TMEM132B: variants seen among roughly 807,000 people sequenced by gnomAD.
The protein encoded by TMEM132B is transmembrane protein 132B.
Under a neutral mutation model 90.8 loss-of-function variants are expected in TMEM132B, and 18 were observed. That is an observed-to-expected ratio of 0.20 (90% confidence interval 0.14 to 0.29). The LOEUF is 0.29. TMEM132B is among the 10% of genes least tolerant of loss of function. The pLI is 1.00. For synonymous variants in TMEM132B, 504 were observed against 523.3 expected (o/e 0.96, Z 0.50); for missense variants, 1,096 against 1,326.8 (o/e 0.83, Z 2.70).
intron 5 of TMEM132B, among the ~76,000 whole-genome samples, chr12:125,629,132 G>C (rs1886299448): frequency 6.6e-6 from 1 of 152,024 alleles, no homozygotes; most frequent in South Asian, 2.1e-4. Context: ...GGCTATTCTG[G>C]GTCTTTTGTG....
intron 5 of TMEM132B, among the ~76,000 whole-genome samples, chr12:125,619,165 G>A (rs1219946245): frequency 6.6e-6 from 1 of 152,022 alleles, no homozygotes; most frequent in Non-Finnish European, 1.5e-5. Flanking sequence ...GTACTTGCTG[G>A]ATAAAGGGAG....
chr12:125,602,493 C>T (rs919037295), intron 5 of TMEM132B, among the ~76,000 whole-genome samples: 5 of 152,076 alleles, frequency 3.3e-5, no homozygotes, highest in African/African-American at 1.2e-4. Flanking sequence ...TATGACAAAC[C>T]CACAGCCAGT....
At chr12:125,523,220 A>G (rs1883355466) in intron 4 of TMEM132B, among the ~76,000 whole-genome samples, 1 of 152,160 alleles carries the variant, frequency 6.6e-6, no homozygotes, top group African/African-American at 2.4e-5. Context: ...ATTCTCTTAG[A>G]GTTCTGGAGG....
chr12:125,383,079 T>A (rs1878731095), intron 2 of TMEM132B, among the ~76,000 whole-genome samples: 1 of 152,310 alleles, frequency 6.6e-6, no homozygotes, highest in Non-Finnish European at 1.5e-5. Context: ...TTTCTCAGAC[T>A]GTGGTACCAG....
Position 125,450,320 on chromosome 12 carries a change from A to C in TMEM132B, c.1106+34643A>C, listed in dbSNP as rs143285379. On this transcript the variant is annotated intron_variant, in intron 3 of 8. Coordinates refer to ENST00000682704, the MANE Select transcript of TMEM132B (RefSeq NM_001366854.1). ...TTATGCCAAAAAATTAGGAAGATAA[A>C]AAAAATGATGATGGCATGTCTTAAT... Among the ~76,000 whole-genome samples, 76 of 152,342 alleles carry C rather than the reference A, an allele frequency of 5.0e-4. 1 individual carries two copies. The East Asian group carries it at 0.014, about 29-fold the overall frequency.
intron 1 of TMEM132B, among the ~76,000 whole-genome samples, chr12:125,341,730 G>A (rs1434901451): frequency 6.6e-6 from 1 of 152,188 alleles, no homozygotes; most frequent in Non-Finnish European, 1.5e-5. Context: ...GGCCTCACTT[G>A]AGACCATCTG....
chr12:125,516,850 T>C (rs761694899), intron 3 of TMEM132B, among the ~76,000 whole-genome samples: 10 of 152,142 alleles, frequency 6.6e-5, no homozygotes, highest in African/African-American at 1.4e-4. Context: ...CAAAGAGAAA[T>C]TGAAAATTTG....
intron 3 of TMEM132B, among the ~76,000 whole-genome samples, chr12:125,507,397 AAT>A (rs1370410912): frequency 6.6e-6 from 1 of 152,172 alleles, no homozygotes; most frequent in African/African-American, 2.4e-5. Flanking sequence ...TAATAAATAA[AAT>A]AGAGTATGTT....
At chr12:125,585,066 G>A (rs1386399038) in intron 5 of TMEM132B, 2 of 152,216 alleles carry the variant, frequency 1.3e-5, no homozygotes, top group Non-Finnish European at 2.9e-5. Context: ...AGGTCTGGGA[G>A]GGGTTGATTT....
rs375052110 is a variant in TMEM132B, at chr12:125,199,104, GCA to G, written c.67+12243_67+12244del. ...AGGTGTGTGTGCTGTTTCAGAGGCAGCACACAGTGGTAGTGATGGAGTTTGGC... is the reference window on the plus strand; with the variant it reads ...AGGTGTGTGTGCTGTTTCAGAGGCAGCACAGTGGTAGTGATGGAGTTTGGC... On this transcript the variant is annotated intron_variant, in intron 1 of 8. Coordinates refer to ENST00000682704, the MANE Select transcript of TMEM132B (RefSeq NM_001366854.1). 4.4e-3 allele frequency among the ~76,000 whole-genome samples: 674 copies of G among 152,356 alleles called. 4 individuals are homozygous for G. Among genetic ancestry groups the G allele is most frequent in the African/African-American group, 0.015 (642 of 41,580 alleles).
chr12:125,474,935 C>G (rs188611118), intron 3 of TMEM132B, among the ~76,000 whole-genome samples: 43 of 152,334 alleles, frequency 2.8e-4, no homozygotes, highest in African/African-American at 9.9e-4. Context: ...TTCATGGACT[C>G]TAAAGAAAGC....
At chr12:125,392,224 G>A (rs1351521485) in intron 2 of TMEM132B, among the ~76,000 whole-genome samples, 1 of 152,232 alleles carries the variant, frequency 6.6e-6, no homozygotes, top group Non-Finnish European at 1.5e-5. Context: ...TGGGAGACGA[G>A]GGGCAAAGTG....
chr12:125,583,273 G>A (rs1885095987), intron 4 of TMEM132B, among the ~76,000 whole-genome samples: 1 of 152,136 alleles, frequency 6.6e-6, no homozygotes, highest in African/African-American at 2.4e-5. Flanking sequence ...GCACATGTCA[G>A]CATTTAAAAA....
chr12:125,237,286 C>T (rs1183933552), intron 1 of TMEM132B, among the ~76,000 whole-genome samples: 1 of 152,108 alleles, frequency 6.6e-6, no homozygotes, highest in Non-Finnish European at 1.5e-5. Context: ...TTGCTGCTGC[C>T]ACTGGCTCAC....
chr12:125,393,638 C>T (rs923201110), intron 2 of TMEM132B, among the ~76,000 whole-genome samples: 2 of 152,152 alleles, frequency 1.3e-5, no homozygotes, highest in African/African-American at 2.4e-5. Flanking sequence ...CAGGCAGGAA[C>T]AGCTGGCACA....
At chr12:125,302,003 C>G (rs1875839151) in intron 1 of TMEM132B, 2 of 152,198 alleles carry the variant, frequency 1.3e-5, no homozygotes, top group Admixed American at 6.6e-5. Flanking sequence ...GAGTTCGAGA[C>G]CAGCCTGACC....
intron 4 of TMEM132B, among the ~76,000 whole-genome samples, chr12:125,544,959 A>G (rs1342378045): frequency 1.3e-5 from 2 of 152,222 alleles, no homozygotes; most frequent in African/African-American, 4.8e-5. Context: ...AACAGAACCT[A>G]TTGTTTAATT....
In TMEM132B at chr12:125,515,655, C is replaced by T. The variant is rs562036258; in HGVS notation, c.1107-3784C>T. Among the ~76,000 whole-genome samples, 28 of 150,636 alleles carry T rather than the reference C, an allele frequency of 1.9e-4. No individual in the cohort carries two copies. In the East Asian group the frequency reaches 5.0e-3, roughly 27 times the overall value. Reference sequence around the variant, plus strand: ...ACACACATTGACACATTCACACCCCCTTCACACATTCTTTCTCACACTCAC... The same window carrying T: ...ACACACATTGACACATTCACACCCCTTTCACACATTCTTTCTCACACTCAC... On this transcript the variant is annotated intron_variant, in intron 3 of 8. Coordinates refer to ENST00000682704, the MANE Select transcript of TMEM132B (RefSeq NM_001366854.1).
intron 2 of TMEM132B, among the ~76,000 whole-genome samples, chr12:125,376,940 C>T (rs1317678307): frequency 4.6e-5 from 7 of 152,206 alleles, no homozygotes; most frequent in Admixed American, 4.6e-4. Context: ...CATCCAGAAC[C>T]CTCCCACGGT....
Sources: gnomAD v4.1 joint callset for allele counts (sites outside exome capture counted in the v4.1 genomes callset) on GRCh38, gnomAD v4.1.1 for gene constraint, MANE v1.5 for transcripts, NCBI Gene and HGNC (gene_info 2026-07-23, HGNC 2026-07-21) for gene names.